The following TLL2 variants were observed in gnomAD, a reference collection of about 807,000 sequenced individuals.
TLL2 encodes tolloid-like protein 2.
TLL2 carries 106 observed loss-of-function variants against 123.0 expected under a neutral mutation model. That is an observed-to-expected ratio of 0.86 (90% CI 0.74 to 1.01). TLL2 has a LOEUF of 1.01. TLL2 is among the 50% of genes least tolerant of loss of function. The probability of loss-of-function intolerance (pLI) is 0.00; values close to 1 mark genes in which losing one functional copy is unlikely to be tolerated. For synonymous variants in TLL2, 494 were observed against 516.8 expected, an observed-to-expected ratio of 0.96 and a Z score of 0.60; for missense variants, 1,332 against 1,336.7, an observed-to-expected ratio of 1.00 and a Z score of 0.06.
At chr10:96,510,017 AT>A (rs1156856329) in intron 1 of TLL2, among the ~76,000 whole-genome samples, 1 of 152,218 alleles carries the variant, frequency 6.6e-6, no homozygotes, top group African/African-American at 2.4e-5. Flanking sequence ...CAAGGCAAGC[AT>A]TTTTGCTCCC....
rs769607312 is a variant in TLL2, at chr10:96,384,719, C to T, written c.2062G>A (p.Ala688Thr). ...CCGCAGAACCTGCCGTGCAGCTTGG[C>T]GTCGGGGGACAGGCCGCTGCGCACC... The part of the protein sequence containing the change: ...VEVRSGLSPD[A>T]KLHGRFCGSE... The change falls in exon 16 of 21, where the codon GCC (alanine) becomes ACC (threonine). Residue 688 changes from alanine (A) to threonine (T), a missense_variant. Ala to Thr is a moderately conservative substitution (Grantham distance 58, BLOSUM62 0). Coordinates refer to ENST00000357947, the MANE Select transcript of TLL2 (RefSeq NM_012465.4). 1.2e-6 allele frequency: 2 copies of T among 1,610,696 alleles called. No homozygotes were observed. The highest frequency in any genetic ancestry group is 1.1e-5 in the South Asian group (1 of 90,578).
intron 18 of TLL2, 137 bp from the exon 19 acceptor site, chr10:96,373,946 C>T (rs1034714659): frequency 1.7e-5 from 12 of 706,580 alleles, no homozygotes; most frequent in Admixed American, 1.1e-4. Flanking sequence ...GGTGTGTGGC[C>T]GTGATGATGC....
Position 96,430,957 on chromosome 10 carries a change from C to T in TLL2, c.520+1850G>A, listed in dbSNP as rs139007867. ...AATAACTTAACTGTCCATTTTTTTT[C>T]TGACATCTTGACATTTTTTGTTCAA... On this transcript the variant is annotated intron_variant, in intron 4 of 20. Transcript: ENST00000357947. Among the ~76,000 whole-genome samples the T allele has an allele frequency of 3.7e-3, 556 of 152,154 alleles. 2 individuals carry two copies. The highest frequency in any genetic ancestry group is 0.01 in the African/African-American group (429 of 41,548).
intron 10 of TLL2, among the ~76,000 whole-genome samples, chr10:96,398,418 C>G (rs978084263): frequency 1.5e-4 from 23 of 152,192 alleles, no homozygotes; most frequent in African/African-American, 5.6e-4. Flanking sequence ...TGCCCCCAAC[C>G]AGGACATACA....
intron 9 of TLL2, 92 bp downstream of exon 9, chr10:96,410,267 G>T: frequency 1.1e-6 from 1 of 889,994 alleles, no homozygotes. Context: ...TAACCGAACA[G>T]CTGTTATTTT....
chr10:96,383,627 A>G (rs2134056577), intron 16 of TLL2, among the ~76,000 whole-genome samples: 1 of 147,826 alleles, frequency 6.8e-6, no homozygotes, highest in African/African-American at 2.5e-5. Context: ...TTTATTTTTT[A>G]TTTTTTGCCC....
rs1383658285 is a variant in TLL2 at position 96,367,415 on chromosome 10, C to G, written c.*673G>C. On this transcript the variant is annotated 3_prime_UTR_variant, in exon 21 of 21. Transcript: ENST00000357947. ...ATAATGGATGCCTTAGCCCCCACTGCAATTAGGGAGGGGGGGAAACCAAAG... is the reference window on the plus strand; with the variant it reads ...ATAATGGATGCCTTAGCCCCCACTGGAATTAGGGAGGGGGGGAAACCAAAG... 2.0e-5 allele frequency: 3 copies of G among 152,216 alleles called. No homozygotes were observed. Among genetic ancestry groups the G allele is most frequent in the Non-Finnish European group, 4.4e-5 (3 of 68,084 alleles). 9.4% of individuals were successfully genotyped at this position (152,216 alleles called of 1,614,324 possible).
chr10:96,418,261 C>T (rs573160434), intron 7 of TLL2, among the ~76,000 whole-genome samples: 3 of 152,294 alleles, frequency 2.0e-5, no homozygotes, highest in South Asian at 2.1e-4. Context: ...CAAGAAGAAA[C>T]GCTGGTGCTG....
At chr10:96,506,271 A>AAAAAG (rs1564921533) in intron 1 of TLL2, among the ~76,000 whole-genome samples, 4 of 150,126 alleles carry the variant, frequency 2.7e-5, no homozygotes, top group Non-Finnish European at 4.5e-5. Context: ...AAAAAGAAAA[A>AAAAAG]AAAAAAAGAA....
At chr10:96,407,819 G>C (rs191168551) in intron 9 of TLL2, among the ~76,000 whole-genome samples, 1 of 152,248 alleles carries the variant, frequency 6.6e-6, no homozygotes, top group African/African-American at 2.4e-5. Context: ...GTGTGTGTGC[G>C]CGCACGCGTG....
rs1412056642 is a variant in TLL2, at chr10:96,370,159, A to G, written c.2819T>C (p.Val940Ala). 3 of 1,613,704 alleles carry G rather than the reference A, an allele frequency of 1.9e-6. No individual in the cohort carries two copies. In the African/African-American group the frequency reaches 4.0e-5, roughly 22 times the overall value. ...GTAGCCGCAGTCGGCCTCCTCCTCA[A>G]CCTCAAAGGTCCGGAATGTCAGCTC... Reference protein sequence around the residue: ...GVELTFRTFEVEEEADCGYDY... With the variant: ...GVELTFRTFEAEEEADCGYDY... Residue 940 changes from valine (V) to alanine (A), a missense_variant, in exon 20 of 21, where the codon GTT (valine) becomes GCT (alanine). By Grantham distance (64) the Val-to-Ala change is moderately conservative (BLOSUM62 0). Transcript: ENST00000357947.
At chr10:96,382,286 C>A (rs973583099) in intron 16 of TLL2, among the ~76,000 whole-genome samples, 1 of 152,220 alleles carries the variant, frequency 6.6e-6, no homozygotes, top group African/African-American at 2.4e-5. Flanking sequence ...GCCTTGGCCT[C>A]CCAAAGTGCT....
chr10:96,508,980 A>G (rs190519803), intron 1 of TLL2, among the ~76,000 whole-genome samples: 2 of 152,262 alleles, frequency 1.3e-5, no homozygotes, highest in East Asian at 3.9e-4. Flanking sequence ...AGGCAAAGCC[A>G]TCAAAGGTCA....
At chr10:96,413,391 A>C in intron 7 of TLL2, 75 bp from the exon 8 acceptor site, 1 of 1,550,174 alleles carries the variant, frequency 6.5e-7, no homozygotes, top group Non-Finnish European at 8.7e-7. Context: ...TCTAGGCTTC[A>C]TTCCCTTGCC....
chr10:96,406,248 C>G (rs1846448283), intron 9 of TLL2, among the ~76,000 whole-genome samples: 1 of 152,098 alleles, frequency 6.6e-6, no homozygotes, highest in African/African-American at 2.4e-5. Flanking sequence ...GAGCAGAGTT[C>G]AGATTTCCCC....
At position 96,464,503 on chromosome 10, in the gene TLL2, C is replaced by T. The variant is rs1299789653; in HGVS notation, c.286+15846G>A. On this transcript the variant is annotated intron_variant, in intron 2 of 20. Transcript: ENST00000357947. ...CTCCCCTACACCCTAGAATGTTGGCCTTGTGAGCGGCAGCAGTACAGACAG... is the reference window on the plus strand; with the variant it reads ...CTCCCCTACACCCTAGAATGTTGGCTTTGTGAGCGGCAGCAGTACAGACAG... Among the ~76,000 whole-genome samples the T allele has an allele frequency of 2.6e-5, 4 of 152,178 alleles. No homozygotes were observed. The East Asian group carries it at 7.7e-4, about 29-fold the overall frequency.
chr10:96,494,161 C>G (rs1847446275), intron 1 of TLL2, among the ~76,000 whole-genome samples: 1 of 152,210 alleles, frequency 6.6e-6, no homozygotes, highest in African/African-American at 2.4e-5. Flanking sequence ...GGGGTTGGGC[C>G]TGGAGGAGTC....
intron 16 of TLL2, among the ~76,000 whole-genome samples, chr10:96,380,692 C>CAAA (rs57395382): frequency 1.9e-3 from 101 of 53,096 alleles, no homozygotes; most frequent in Middle Eastern, 0.02. Context: ...GACTCTATCT[C>CAAA]AAAAAAAAAA....
At chr10:96,494,057 G>A (rs1847444734) in intron 1 of TLL2, among the ~76,000 whole-genome samples, 1 of 152,192 alleles carries the variant, frequency 6.6e-6, no homozygotes, top group Non-Finnish European at 1.5e-5. Context: ...ACTGACCTCA[G>A]GGTCAGCAGG....
Sources: allele counts gnomAD v4.1 joint callset (sites outside exome capture counted in the v4.1 genomes callset), GRCh38; gene constraint gnomAD v4.1.1; transcripts MANE v1.5; gene names NCBI Gene and HGNC (gene_info 2026-07-23, HGNC 2026-07-21).